TP73: variants seen among roughly 807,000 people sequenced by gnomAD.
TP73 encodes the protein p53-like transcription factor.
A neutral mutation model predicts 62.5 loss-of-function variants in TP73; 25 were observed. That is an observed-to-expected ratio of 0.40 (90% CI 0.29 to 0.56). TP73 has a LOEUF of 0.56. Among genes scored for constraint, TP73 ranks in the 20% least tolerant of loss-of-function variants. The pLI is 0.46. For missense variants in TP73, 754 were observed against 913.3 expected (o/e 0.83, Z 2.25); for synonymous variants, 423 against 377.5 (o/e 1.12, Z -1.40).
chr1:3,653,598 ACTGT>A (rs1557473419), intron 1 of TP73, among the ~76,000 whole-genome samples: 1 of 152,168 alleles, frequency 6.6e-6, no homozygotes, highest in Non-Finnish European at 1.5e-5. Context: ...CTGTTTATTC[ACTGT>A]CTGGACATTT....
chr1:3,733,214 T>C lies in TP73; in HGVS notation c.*135T>C. On this transcript the variant is annotated 3_prime_UTR_variant, in exon 14 of 14. Coordinates refer to ENST00000378295, the MANE Select transcript of TP73 (RefSeq NM_005427.4). The stretch of plus-strand genomic sequence containing the variant: ...CCGGGGAAAGGCAAGGTCCGGCCCA[T>C]CCCCAGGCACCTCACAGGCCCCAGG... 9.2e-7 allele frequency: 1 copy of C among 1,092,460 alleles called. No homozygotes were observed. Among genetic ancestry groups the C allele is most frequent in the Non-Finnish European group, 1.3e-6 (1 of 785,578 alleles). The allele number at this position is 1,092,460 out of a possible 1,614,324, so 67.7% of individuals were successfully genotyped here. A position where few individuals can be genotyped will look rare whatever the true frequency, so the allele number is the denominator to read the frequency against.
chr1:3,690,205 C>G (rs1243366330), intron 3 of TP73, among the ~76,000 whole-genome samples: 1 of 152,196 alleles, frequency 6.6e-6, no homozygotes, highest in Non-Finnish European at 1.5e-5. Flanking sequence ...ACAAGAGCTG[C>G]TCACTCCCGT....
chr1:3,727,541 C>A, intron 7 of TP73, 87 bp from the exon 8 acceptor site: 1 of 1,530,688 alleles, frequency 6.5e-7, no homozygotes, highest in Non-Finnish European at 8.8e-7. Context: ...AAGGCCGGTC[C>A]TGCAGGGTCC....
chr1:3,655,335 C>T (rs538442033), intron 1 of TP73, among the ~76,000 whole-genome samples: 5 of 152,056 alleles, frequency 3.3e-5, no homozygotes, highest in Non-Finnish European at 5.9e-5. Context: ...TGCAGTGAGC[C>T]GAGATCACCC....
At chr1:3,681,992 A>T (rs1208452753) in intron 1 of TP73, among the ~76,000 whole-genome samples, 3 of 152,138 alleles carry the variant, frequency 2.0e-5, no homozygotes, top group African/African-American at 7.2e-5. Flanking sequence ...GCTCTCCTGA[A>T]GGCCCTCAAG....
rs371485592 is a variant in TP73, at chr1:3,727,777, G to A, written c.985+7G>A. The stretch of plus-strand genomic sequence containing the variant: ...GGGGCCGCCAGCAAGCGTGGTGAGC[G>A]GCCGGCCAGGGGAACTGGACGCGTG... On this transcript the variant is annotated splice_region_variant and intron_variant, in intron 8 of 13. Transcript: ENST00000378295. 509 of 1,529,346 alleles carry A rather than the reference G, an allele frequency of 3.3e-4. No homozygotes were observed. Among genetic ancestry groups the A allele is most frequent in the Non-Finnish European group, 4.3e-4 (493 of 1,136,922 alleles). The allele number at this position is 1,529,346 out of a possible 1,614,324, so 94.7% of individuals were successfully genotyped here.
intron 3 of TP73, among the ~76,000 whole-genome samples, chr1:3,692,964 A>C (rs528840726): frequency 3.9e-5 from 6 of 152,062 alleles, no homozygotes; most frequent in Admixed American, 1.3e-4. Context: ...CTGTGCCATC[A>C]CTGTTTCTTT....
intron 3 of TP73, among the ~76,000 whole-genome samples, chr1:3,686,506 A>C (rs1165194305): frequency 6.6e-6 from 1 of 152,034 alleles, no homozygotes; most frequent in Admixed American, 6.6e-5. Flanking sequence ...GCTCTGCCCA[A>C]CCCCGTGGGC....
At chr1:3,683,315 A>T in intron 3 of TP73, 135 bp downstream of exon 3, 1 of 1,167,664 alleles carries the variant, frequency 8.6e-7, no homozygotes, top group East Asian at 2.7e-5. Flanking sequence ...TTCTGAGGAC[A>T]CTTCAAATTG....
intron 3 of TP73, among the ~76,000 whole-genome samples, chr1:3,706,304 C>T (rs1225897019): frequency 2.0e-5 from 3 of 152,078 alleles, no homozygotes; most frequent in Middle Eastern, 3.4e-3. Flanking sequence ...AAAATGGGGA[C>T]AATCATGGTG....
intron 1 of TP73, among the ~76,000 whole-genome samples, chr1:3,656,946 G>A (rs757906979): frequency 5.9e-5 from 9 of 152,244 alleles, no homozygotes; most frequent in South Asian, 2.1e-4. Context: ...CATGGTGTCC[G>A]GTAATAGCTG....
intron 3 of TP73, among the ~76,000 whole-genome samples, chr1:3,687,873 C>G (rs893943146): frequency 6.6e-6 from 1 of 152,126 alleles, no homozygotes; most frequent in African/African-American, 2.4e-5. Context: ...CTGGGAGCCC[C>G]GGGAACCCAG....
At chr1:3,681,875 ACAC>A (rs1391285778) in intron 1 of TP73, among the ~76,000 whole-genome samples, 1 of 108,700 alleles carries the variant, frequency 9.2e-6, no homozygotes, top group East Asian at 2.4e-4. Flanking sequence ...CAGGCCTCAC[ACAC>A]TTGTTCCGGC....
At position 3,707,501 on chromosome 1, in the gene TP73, G is replaced by A. The variant is rs370383690; in HGVS notation, c.187-48G>A. 13 of 1,578,580 alleles carry A rather than the reference G, an allele frequency of 8.2e-6. No individual in the cohort carries two copies. The African/African-American group carries it at 1.3e-4, about 16-fold the overall frequency. On this transcript the variant is annotated intron_variant, in intron 3 of 13. Transcript: ENST00000378295. ...GGACACCTCCTAGACGGGACAGGAC[G>A]ACTGACTGTGTGTGTTTCCCCCTCC...
chr1:3,706,287 C>T (rs1166396578), intron 3 of TP73, among the ~76,000 whole-genome samples: 2 of 152,076 alleles, frequency 1.3e-5, no homozygotes, highest in African/African-American at 4.8e-5. Flanking sequence ...TCAGTTTCCT[C>T]ATCTGTAAAA....
chr1:3,682,965 G>T, intron 2 of TP73, 95 bp from the exon 3 acceptor site: 3 of 1,486,770 alleles, frequency 2.0e-6, no homozygotes, highest in South Asian at 2.7e-5. Context: ...GCCTCACCAG[G>T]AGTCTCAGGC....
chr1:3,729,613 C>T (rs753002817), intron 10 of TP73, 165 bp downstream of exon 10: 8 of 1,306,166 alleles, frequency 6.1e-6, no homozygotes, highest in Non-Finnish European at 8.7e-6. Context: ...TCCAGGAAGC[C>T]TTCTAGCACT....
chr1:3,660,675 A>G (rs569456501), intron 1 of TP73, among the ~76,000 whole-genome samples: 3 of 151,920 alleles, frequency 2.0e-5, no homozygotes, highest in African/African-American at 7.2e-5. Context: ...CTTGCCATCC[A>G]GTGGTGTGAT....
At chr1:3,732,490 G>C (rs926680644) in intron 13 of TP73, among the ~76,000 whole-genome samples, 22 of 152,186 alleles carry the variant, frequency 1.4e-4, no homozygotes, top group Non-Finnish European at 1.5e-5. Context: ...CCTGCCCTGA[G>C]GCTGGGAGGC....
Sources: gnomAD v4.1 joint callset for allele counts (sites outside exome capture counted in the v4.1 genomes callset) on GRCh38, gnomAD v4.1.1 for gene constraint, MANE v1.5 for transcripts, NCBI Gene and HGNC (gene_info 2026-07-23, HGNC 2026-07-21) for gene names.